COL4A2: variants seen among roughly 807,000 people sequenced by gnomAD.
COL4A2 encodes collagen type IV alpha 2 chain.
A neutral mutation model predicts 200.2 loss-of-function variants in COL4A2; 99 were observed. The ratio of observed to expected loss-of-function variants is 0.49; its 90% CI spans 0.42 to 0.58. COL4A2 has a LOEUF of 0.58. COL4A2 is among the 20% of genes least tolerant of loss of function. The pLI is 0.00. For missense variants in COL4A2, 1,950 were observed against 2,314.1 expected, an observed-to-expected ratio of 0.84 and a Z score of 3.23; for synonymous variants, 897 against 900.6, an observed-to-expected ratio of 1.00 and a Z score of 0.07.
At chr13:110,328,991 A>G (rs946323239) in intron 3 of COL4A2, among the ~76,000 whole-genome samples, 1 of 152,264 alleles carries the variant, frequency 6.6e-6, no homozygotes, top group Non-Finnish European at 1.5e-5. Flanking sequence ...TTGTAGAACA[A>G]CATTATGGAA....
At position 110,467,102 on chromosome 13, in the gene COL4A2, G is replaced by A. The variant is rs1342656407; in HGVS notation, c.2095+6G>A. 1 of 1,613,910 alleles carries A rather than the reference G, an allele frequency of 6.2e-7. No individual in the cohort carries two copies. The highest frequency in any genetic ancestry group is 1.7e-5 in the Admixed American group (1 of 59,994). The stretch of plus-strand genomic sequence containing the variant: ...AGGACCCCCAGGCCCCACAGGTAAT[G>A]CACGGAGGGAACCTGGAGTGCACCC... On this transcript the variant is annotated splice_donor_region_variant and intron_variant, in intron 27 of 47. Transcript: ENST00000360467.
chr13:110,468,359 A>T (rs1242542609), intron 27 of COL4A2: 1 of 470,704 alleles, frequency 2.1e-6, no homozygotes, highest in Admixed American at 2.3e-5. Flanking sequence ...TCACTCATAC[A>T]GCAACCCCCA....
chr13:110,402,630 A>G (rs1018959826), intron 4 of COL4A2, among the ~76,000 whole-genome samples: 13 of 152,176 alleles, frequency 8.5e-5, no homozygotes, highest in African/African-American at 3.1e-4. Flanking sequence ...CTACACTGCC[A>G]TGAACAGAAT....
chr13:110,409,026 G>A (rs375072558), intron 4 of COL4A2, among the ~76,000 whole-genome samples: 22 of 102,524 alleles, frequency 2.1e-4, no homozygotes, highest in South Asian at 2.1e-3. Context: ...ACATGGACAC[G>A]CGCACACGTT....
chr13:110,483,490 C>T (rs1252379969), intron 32 of COL4A2, among the ~76,000 whole-genome samples: 1 of 152,228 alleles, frequency 6.6e-6, no homozygotes, highest in Non-Finnish European at 1.5e-5. Flanking sequence ...TTGGAAACAG[C>T]CTGAAAATGC....
Position 110,495,438 on chromosome 13 carries a change from C to A in COL4A2, c.3731C>A (p.Pro1244Gln). The A allele has an allele frequency of 2.5e-6, 4 of 1,613,682 alleles. No homozygotes were observed. Among genetic ancestry groups the A allele is most frequent in the Non-Finnish European group, 3.4e-6 (4 of 1,179,884 alleles). Residue 1244 changes from proline to glutamine, a missense_variant, in exon 40 of 48, where the codon CCA (proline) becomes CAA (glutamine). Coordinates refer to ENST00000360467, the MANE Select transcript of COL4A2 (RefSeq NM_001846.4). ...ACCCTTCCAGGCCCTGTGGGAGTCC[C>A]AGGACAGAAAGGAGACCAAGGAGCT... ...ANTLPGPVGV[P>Q]GQKGDQGAPG...
At chr13:110,328,890 T>G (rs1396828111) in intron 3 of COL4A2, among the ~76,000 whole-genome samples, 1 of 152,246 alleles carries the variant, frequency 6.6e-6, no homozygotes, top group Admixed American at 6.5e-5. Context: ...ATTAGATCAC[T>G]TTTTGAGAAA....
At chr13:110,428,821 C>T (rs764188651) in intron 7 of COL4A2, among the ~76,000 whole-genome samples, 2 of 152,232 alleles carry the variant, frequency 1.3e-5, no homozygotes, top group African/African-American at 4.8e-5. Context: ...CCAAGTGTCA[C>T]TTCATTTTCT....
intron 3 of COL4A2, among the ~76,000 whole-genome samples, chr13:110,346,212 G>T (rs565162939): frequency 6.6e-6 from 1 of 152,166 alleles, no homozygotes; most frequent in African/African-American, 2.4e-5. Flanking sequence ...CTTTTGGGGC[G>T]TTGTTTCCTG....
chr13:110,309,475 C>T (rs557359135), intron 3 of COL4A2, among the ~76,000 whole-genome samples: 1 of 152,336 alleles, frequency 6.6e-6, no homozygotes, highest in East Asian at 1.9e-4. Context: ...AATGCATGCA[C>T]GCGCACGCAC....
intron 29 of COL4A2, among the ~76,000 whole-genome samples, chr13:110,475,023 C>G (rs1003120633): frequency 6.6e-6 from 1 of 152,176 alleles, no homozygotes; most frequent in Non-Finnish European, 1.5e-5. Context: ...CATACACACA[C>G]GTACATACCC....
chr13:110,436,430 C>T, intron 13 of COL4A2, 63 bp downstream of exon 13: 1 of 1,562,240 alleles, frequency 6.4e-7, no homozygotes, highest in Non-Finnish European at 8.7e-7. Context: ...AAGTACATTT[C>T]TTCAATTGTA....
intron 16 of COL4A2, among the ~76,000 whole-genome samples, chr13:110,443,890 G>A (rs1881227574): frequency 6.6e-6 from 1 of 152,162 alleles, no homozygotes; most frequent in Non-Finnish European, 1.5e-5. Flanking sequence ...GAAACAGAGA[G>A]GAAAAAGTTT....
At chr13:110,316,511 G>T (rs574615934) in intron 3 of COL4A2, among the ~76,000 whole-genome samples, 1 of 152,344 alleles carries the variant, frequency 6.6e-6, no homozygotes, top group African/African-American at 2.4e-5. Context: ...ACTGGCTCCA[G>T]ATTAGGTGAA....
rs1399784410 is a variant in COL4A2 at position 110,483,161 on chromosome 13, T to C, written c.2902+502T>C. Among the ~76,000 whole-genome samples, 4 of 152,310 alleles carry C rather than the reference T, an allele frequency of 2.6e-5. No homozygotes were observed. The East Asian group carries it at 5.8e-4, about 22-fold the overall frequency. ...CCCCCCACGTAAGGCCCCTCGTTCATTGAGTTTATTACTAACAAGTCACAT... is the reference window on the plus strand; with the variant it reads ...CCCCCCACGTAAGGCCCCTCGTTCACTGAGTTTATTACTAACAAGTCACAT... On this transcript the variant is annotated intron_variant, in intron 32 of 47. Transcript: ENST00000360467.
chr13:110,421,419 A>C (rs1247359950), intron 4 of COL4A2, among the ~76,000 whole-genome samples: 1 of 152,262 alleles, frequency 6.6e-6, no homozygotes, highest in Non-Finnish European at 1.5e-5. Context: ...TTATTCAGCC[A>C]TCAGTGAATG....
intron 11 of COL4A2, among the ~76,000 whole-genome samples, chr13:110,434,155 G>A (rs538546145): frequency 6.6e-6 from 1 of 152,210 alleles, no homozygotes; most frequent in Non-Finnish European, 1.5e-5. Flanking sequence ...ATATACTCAC[G>A]ATCGAGGGCC....
chr13:110,434,298 T>A (rs1880791371), intron 11 of COL4A2, 103 bp from the exon 12 acceptor site: 1 of 1,005,826 alleles, frequency 9.9e-7, no homozygotes, highest in Admixed American at 2.1e-5. Flanking sequence ...CTCAGTAAAG[T>A]TGCCGATAAA....
chr13:110,439,943 A>G (rs1260806094), intron 16 of COL4A2, 110 bp downstream of exon 16: 2 of 1,470,184 alleles, frequency 1.4e-6, no homozygotes, highest in East Asian at 2.5e-5. Context: ...AGAAAAAAAC[A>G]TTGAAAATGG....
Sources: allele counts gnomAD v4.1 joint callset (sites outside exome capture counted in the v4.1 genomes callset), GRCh38; gene constraint gnomAD v4.1.1; transcripts MANE v1.5; gene names NCBI Gene and HGNC (gene_info 2026-07-23, HGNC 2026-07-21).